The following AK8 variants were observed in gnomAD, a reference collection of about 807,000 sequenced individuals.
The protein encoded by AK8 is adenylate kinase 8.
AK8 carries 44 observed loss-of-function variants against 54.6 expected under a neutral mutation model. The observed-to-expected ratio is 0.81, with a 90% CI of 0.63 to 1.04. AK8 has a LOEUF of 1.04. Ranked by LOEUF, AK8 falls within the 50% of genes least tolerant of loss-of-function variation. The pLI is 0.00. For missense variants in AK8, 555 were observed against 613.6 expected (o/e 0.90, Z 1.01); for synonymous variants, 239 against 245.6 (o/e 0.97, Z 0.25).
At chr9:132,858,394 T>A (rs982368582) in intron 4 of AK8, among the ~76,000 whole-genome samples, 2 of 152,240 alleles carry the variant, frequency 1.3e-5, no homozygotes, top group African/African-American at 4.8e-5. Context: ...TTTCTCACAC[T>A]GGGATGGCAT....
At chr9:132,855,232 G>A (rs1843132053) in intron 4 of AK8, among the ~76,000 whole-genome samples, 1 of 152,132 alleles carries the variant, frequency 6.6e-6, no homozygotes, top group Non-Finnish European at 1.5e-5. Context: ...CAGCCTGCAG[G>A]AAGCCCTGCC....
chr9:132,763,326 G>T (rs1056596455), intron 11 of AK8, among the ~76,000 whole-genome samples: 10 of 152,234 alleles, frequency 6.6e-5, no homozygotes, highest in South Asian at 2.1e-4. Flanking sequence ...ACAAATACAT[G>T]CAGATTAAAC....
In AK8 at chr9:132,862,295, T is replaced by TG. The variant is rs529044258; in HGVS notation, c.333+1369dup. Among the ~76,000 whole-genome samples, 34 of 151,124 alleles carry TG rather than the reference T, an allele frequency of 2.2e-4. No individual in the cohort carries two copies. In the South Asian group the frequency reaches 5.4e-3, roughly 24 times the overall value. ...CTGCTGTCATAGGCAGACTTGGGGC[T>TG]GGGGGTCTGTCGAAGTCACACCCCT... is the stretch of plus-strand genomic sequence containing the variant. On this transcript the variant is annotated intron_variant, in intron 4 of 12. Coordinates refer to ENST00000298545, the MANE Select transcript of AK8 (RefSeq NM_152572.3).
At chr9:132,741,250 C>T (rs948713499) in intron 11 of AK8, among the ~76,000 whole-genome samples, 2 of 152,230 alleles carry the variant, frequency 1.3e-5, no homozygotes, top group African/African-American at 4.8e-5. Context: ...CCGAATCCCC[C>T]CGACACTGCT....
At chr9:132,757,239 C>A (rs10123872) in intron 11 of AK8, among the ~76,000 whole-genome samples, 1 of 151,996 alleles carries the variant, frequency 6.6e-6, no homozygotes, top group African/African-American at 2.4e-5. Context: ...CACAGCTCAC[C>A]GGGATGGTCA....
At chr9:132,798,337 T>TCA (rs1447405733) in intron 10 of AK8, among the ~76,000 whole-genome samples, 1 of 152,190 alleles carries the variant, frequency 6.6e-6, no homozygotes, top group East Asian at 1.9e-4. Flanking sequence ...AGCTATGGAC[T>TCA]CACGTTTCCA....
chr9:132,835,986 G>A (rs1842308557), intron 5 of AK8, among the ~76,000 whole-genome samples: 1 of 152,124 alleles, frequency 6.6e-6, no homozygotes, highest in Admixed American at 6.5e-5. Flanking sequence ...AGCCAGACAT[G>A]GTGGCGCATG....
At chr9:132,854,179 G>A (rs1843083044) in intron 5 of AK8, among the ~76,000 whole-genome samples, 2 of 152,124 alleles carry the variant, frequency 1.3e-5, no homozygotes. Context: ...CAGCCTCGGT[G>A]ACAGAGCAAG....
chr9:132,872,115 A>G (rs1843865408), intron 2 of AK8, among the ~76,000 whole-genome samples: 1 of 152,166 alleles, frequency 6.6e-6, no homozygotes, highest in Admixed American at 6.5e-5. Flanking sequence ...CAAGAGGATC[A>G]CTTGAGCCTA....
chr9:132,782,993 C>A (rs1247317204), intron 11 of AK8, among the ~76,000 whole-genome samples: 1 of 152,188 alleles, frequency 6.6e-6, no homozygotes, highest in East Asian at 1.9e-4. Flanking sequence ...ATGCCTGCCC[C>A]CAACTCCAAG....
intron 9 of AK8, among the ~76,000 whole-genome samples, chr9:132,820,441 C>T (rs1841535876): frequency 6.6e-6 from 1 of 152,180 alleles, no homozygotes; most frequent in Non-Finnish European, 1.5e-5. Context: ...TAACAGCTGC[C>T]TCGCAATCCA....
chr9:132,829,587 C>A (rs866901183), intron 5 of AK8, among the ~76,000 whole-genome samples: 2 of 134,040 alleles, frequency 1.5e-5, no homozygotes, highest in Non-Finnish European at 3.4e-5. Flanking sequence ...TGCAGGAACA[C>A]CCCATTTTTC....
At chr9:132,863,871 G>GGCCAACCTTTTCCCATA in intron 3 of AK8, 93 bp from the exon 4 acceptor site, 1 of 1,013,234 alleles carries the variant, frequency 9.9e-7, no homozygotes, top group Non-Finnish European at 1.5e-6. Flanking sequence ...CCTCTCCTAT[G>GGCCAACCTTTTCCCATA]GGAAAAGGTT....
intron 4 of AK8, among the ~76,000 whole-genome samples, chr9:132,859,548 A>G (rs1843303405): frequency 1.3e-5 from 2 of 151,844 alleles, no homozygotes; most frequent in South Asian, 4.2e-4. Context: ...TTGAAGGCTC[A>G]TAAGTACAGG....
At chr9:132,769,792 G>A (rs1282241673) in intron 11 of AK8, 1 of 152,112 alleles carries the variant, frequency 6.6e-6, no homozygotes, top group Non-Finnish European at 1.5e-5. Context: ...CGTCCTCTCT[G>A]GTCATTAGTA....
Position 132,864,761 on chromosome 9 carries a change from G to A in AK8, c.220-983C>T, listed in dbSNP as rs141717329. The stretch of plus-strand genomic sequence containing the variant: ...CGCTTCAGCCATGCTGGGACTTGCC[G>A]AAAGCAGGTCTCTGCGTTCTGAATC... On this transcript the variant is annotated intron_variant, in intron 3 of 12. Transcript: ENST00000298545. 9.2e-5 allele frequency among the ~76,000 whole-genome samples: 14 copies of A among 152,316 alleles called. No homozygotes were observed. In the East Asian group the frequency reaches 1.3e-3, roughly 15 times the overall value.
At chr9:132,749,541 C>G (rs1309507361) in intron 11 of AK8, among the ~76,000 whole-genome samples, 1 of 151,934 alleles carries the variant, frequency 6.6e-6, no homozygotes, top group East Asian at 1.9e-4. Context: ...ACTGTCACCC[C>G]CATCTTATGG....
intron 11 of AK8, among the ~76,000 whole-genome samples, chr9:132,746,905 AG>A (rs1354724986): frequency 1.3e-5 from 2 of 152,286 alleles, no homozygotes; most frequent in Non-Finnish European, 2.9e-5. Flanking sequence ...AGTATCAATT[AG>A]TAGTCAAGCT....
chr9:132,853,677 T>C (rs1843056594), intron 5 of AK8, among the ~76,000 whole-genome samples: 1 of 145,082 alleles, frequency 6.9e-6, no homozygotes. Flanking sequence ...TTCCAGCTAC[T>C]GGGGAGGTTG....
Sources: allele counts gnomAD v4.1 joint callset (sites outside exome capture counted in the v4.1 genomes callset), GRCh38; gene constraint gnomAD v4.1.1; transcripts MANE v1.5; gene names NCBI Gene and HGNC (gene_info 2026-07-23, HGNC 2026-07-21).